The following FBXO45 variants were observed in gnomAD, a reference collection of about 807,000 sequenced individuals.
The protein encoded by FBXO45 is F-box/SPRY domain-containing protein 1.
Under a neutral mutation model 25.5 loss-of-function variants are expected in FBXO45, and 3 were observed. That is an observed-to-expected ratio of 0.12 (90% CI 0.05 to 0.30). FBXO45 has a LOEUF of 0.30. FBXO45 is among the 10% of genes least tolerant of loss of function. The pLI is 1.00. For synonymous variants in FBXO45, 155 were observed against 149.8 expected, an observed-to-expected ratio of 1.03 and a Z score of -0.25; for missense variants, 219 against 365.0, an observed-to-expected ratio of 0.60 and a Z score of 3.26.
rs571388858 is a variant in FBXO45 at position 196,572,204 on chromosome 3, AAAT to A, written c.318+2903_318+2905del. Among the ~76,000 whole-genome samples the A allele has an allele frequency of 6.4e-3, 975 of 152,368 alleles. 7 individuals are homozygous for A. Among genetic ancestry groups the A allele is most frequent in the Non-Finnish European group, 0.011 (734 of 68,032 alleles). On this transcript the variant is annotated intron_variant, in intron 1 of 2. Coordinates refer to ENST00000311630, the MANE Select transcript of FBXO45 (RefSeq NM_001105573.2). Reference sequence around the variant, plus strand: ...GTACAACATATATTTTTATTTAAAAAAATGAGTGCCAGGCACTATGCTCATTTG... The same window carrying A: ...GTACAACATATATTTTTATTTAAAAAGAGTGCCAGGCACTATGCTCATTTG...
chr3:196,578,680 C>T (rs1337208077), intron 2 of FBXO45, among the ~76,000 whole-genome samples: 1 of 152,094 alleles, frequency 6.6e-6, no homozygotes, highest in East Asian at 1.9e-4. Flanking sequence ...TGTAGTTTGC[C>T]AGTTCATGCT....
chr3:196,577,047 T>C (rs980796168), intron 1 of FBXO45, among the ~76,000 whole-genome samples: 1 of 152,238 alleles, frequency 6.6e-6, no homozygotes, highest in Non-Finnish European at 1.5e-5. Flanking sequence ...GATTAATTTA[T>C]GGCCAGTCTA....
chr3:196,587,798 G>A lies in FBXO45; in HGVS notation c.*3480G>A, dbSNP rs183558201. The A allele has an allele frequency of 1.3e-5, 2 of 152,264 alleles. No homozygotes were observed. Among genetic ancestry groups the A allele is most frequent in the East Asian group, 3.9e-4 (2 of 5,188 alleles). The allele number at this position is 152,264 out of a possible 1,614,324, so 9.4% of individuals were successfully genotyped here. ...GATAGAAACTTAGGGAGTGGTGTGTGTGTTTCTTTTTTGGAGACAGAGTCA... is the reference window on the plus strand; with the variant it reads ...GATAGAAACTTAGGGAGTGGTGTGTATGTTTCTTTTTTGGAGACAGAGTCA... On this transcript the variant is annotated 3_prime_UTR_variant, in exon 3 of 3. Transcript: ENST00000311630.
intron 2 of FBXO45, among the ~76,000 whole-genome samples, chr3:196,581,616 A>G (rs1265898823): frequency 1.3e-5 from 2 of 152,152 alleles, no homozygotes; most frequent in African/African-American, 4.8e-5. Context: ...ATCTTTGGAC[A>G]TATTCATAAC....
chr3:196,581,565 G>A (rs764956963), intron 2 of FBXO45, among the ~76,000 whole-genome samples: 9 of 151,868 alleles, frequency 5.9e-5, no homozygotes, highest in East Asian at 1.9e-4. Context: ...TTTCCTTTTC[G>A]AGATTCCTTA....
chr3:196,574,008 G>A (rs968057072), intron 1 of FBXO45, among the ~76,000 whole-genome samples: 1 of 143,242 alleles, frequency 7.0e-6, no homozygotes, highest in Non-Finnish European at 1.5e-5. Context: ...CACAATTTCA[G>A]CTCACTGCAA....
Position 196,575,177 on chromosome 3 carries a change from C to T in FBXO45, c.319-2276C>T, listed in dbSNP as rs577078480. Reference sequence around the variant, plus strand: ...CATAGAAGTTTGAGGAAGAGAGGGCCGGGCGTGGTGGCTCACGCCTGTAAT... The same window carrying T: ...CATAGAAGTTTGAGGAAGAGAGGGCTGGGCGTGGTGGCTCACGCCTGTAAT... On this transcript the variant is annotated intron_variant, in intron 1 of 2. Transcript: ENST00000311630. Among the ~76,000 whole-genome samples, 16 of 152,198 alleles carry T rather than the reference C, an allele frequency of 1.1e-4. No individual in the cohort carries two copies. In the South Asian group the frequency reaches 1.2e-3, roughly 12 times the overall value.
At chr3:196,581,564 C>T (rs1296273458) in intron 2 of FBXO45, among the ~76,000 whole-genome samples, 3 of 152,006 alleles carry the variant, frequency 2.0e-5, no homozygotes, top group East Asian at 1.9e-4. Flanking sequence ...ATTTCCTTTT[C>T]GAGATTCCTT....
At chr3:196,577,922 TTTA>T in intron 2 of FBXO45, 113 bp downstream of exon 2, 1 of 612,076 alleles carries the variant, frequency 1.6e-6, no homozygotes, top group Non-Finnish European at 2.4e-6. Flanking sequence ...AATTTTTATT[TTTA>T]TTATTTTTTT....
At position 196,569,150 on chromosome 3, in the gene FBXO45, C is replaced by T. The variant is rs1399371704; in HGVS notation, c.166C>T (p.Leu56=). ...GTTCTCTTACCTGGAGCTGTCCGAG[C>T]TGCGGAGCTGCGCCCTGGTGTGCAA... ...LVFSYLELSE[L]RSCALVCKHW... is the part of the protein sequence containing the mutation. The change falls in exon 1 of 3, where the codon CTG becomes TTG. Residue 56 remains leucine, a synonymous_variant. Coordinates refer to ENST00000311630, the MANE Select transcript of FBXO45 (RefSeq NM_001105573.2). The surrounding 1 kb of genome is among the most constrained non-coding windows in gnomAD (Gnocchi z 4.1). 2 of 1,550,956 alleles carry T rather than the reference C, an allele frequency of 1.3e-6. No homozygotes were observed. The highest frequency in any genetic ancestry group is 1.2e-5 in the South Asian group (1 of 84,076).
chr3:196,577,235 A>G (rs1171212122), intron 1 of FBXO45, among the ~76,000 whole-genome samples: 1 of 151,366 alleles, frequency 6.6e-6, no homozygotes, highest in African/African-American at 2.4e-5. Flanking sequence ...ACAATTTAAA[A>G]TTTTGGTCAG....
Position 196,581,223 on chromosome 3 carries a change from C to CTTTTTTTTTTTTT in FBXO45, c.676-2894_676-2882dup, listed in dbSNP as rs33962634. ...TAGAATTTCCTTTTTTTTCTTTTTCCTTTTTTTTTTTTTTTTTTTTTTTTT... is the reference window on the plus strand; with the variant it reads ...TAGAATTTCCTTTTTTTTCTTTTTCCTTTTTTTTTTTTTTTTTTTTTTTTTTTTTTTTTTTTTT... On this transcript the variant is annotated intron_variant, in intron 2 of 2. Coordinates refer to ENST00000311630, the MANE Select transcript of FBXO45 (RefSeq NM_001105573.2). Among the ~76,000 whole-genome samples, 15 of 63,676 alleles carry CTTTTTTTTTTTTT rather than the reference C, an allele frequency of 2.4e-4. 1 individual carries two copies. Among genetic ancestry groups the CTTTTTTTTTTTTT allele is most frequent in the East Asian group, 1.1e-3 (2 of 1,838 alleles). 41.8% of individuals were successfully genotyped at this position (63,676 alleles called of 152,430 possible). A position where few individuals can be genotyped will look rare whatever the true frequency, so the allele number is the denominator to read the frequency against.
At chr3:196,576,219 C>T (rs571790640) in intron 1 of FBXO45, among the ~76,000 whole-genome samples, 7 of 152,218 alleles carry the variant, frequency 4.6e-5, no homozygotes, top group Non-Finnish European at 7.3e-5. Flanking sequence ...GCCTCTTGCA[C>T]TAACTCGCGG....
chr3:196,582,370 G>A (rs1736027728), intron 2 of FBXO45, among the ~76,000 whole-genome samples: 1 of 152,180 alleles, frequency 6.6e-6, no homozygotes, highest in African/African-American at 2.4e-5. Context: ...GAGTGGTGGT[G>A]ATGATGATTT....
Position 196,569,229 on chromosome 3 carries a change from T to A in FBXO45, c.245T>A (p.Leu82Gln). The A allele has an allele frequency of 6.3e-7, 1 of 1,581,046 alleles. No individual in the cohort carries two copies. The highest frequency in any genetic ancestry group is 8.6e-7 in the Non-Finnish European group (1 of 1,164,282). The change falls in exon 1 of 3, where the codon CTG (leucine) becomes CAG (glutamine). Residue 82 changes from leucine to glutamine, a missense_variant. Physicochemically the swap from Leu to Gln is moderately radical, Grantham distance 113. Around this residue, in one of 4 missense-constraint regions of FBXO45, gnomAD observed 138 missense variants for 157.3 expected, o/e 0.88. Transcript: ENST00000311630. The surrounding 1 kb of genome is among the most constrained non-coding windows in gnomAD (Gnocchi z 4.1). ...GDENSEVWRSLCARSLAEEAL... is the reference protein window; with the variant it reads ...GDENSEVWRSQCARSLAEEAL... ...GAGAACAGCGAGGTGTGGCGGAGCC[T>A]GTGCGCCCGCAGCCTGGCAGAAGAG...
intron 1 of FBXO45, among the ~76,000 whole-genome samples, chr3:196,575,457 C>CA (rs1198432279): frequency 0.083 from 7,481 of 89,742 alleles, 277 homozygotes; most frequent in African/African-American, 0.15. Context: ...GACTCTGTCT[C>CA]AAAAAAAAAA....
Position 196,569,694 on chromosome 3 carries a change from T to C in FBXO45, c.318+392T>C, listed in dbSNP as rs1735752721. On this transcript the variant is annotated intron_variant, in intron 1 of 2. Coordinates refer to ENST00000311630, the MANE Select transcript of FBXO45 (RefSeq NM_001105573.2). The surrounding 1 kb of genome is among the most constrained non-coding windows in gnomAD (Gnocchi z 4.1). Reference sequence around the variant, plus strand: ...GCCACCTTAACATGGGCTTAGTTTCTAAGTTTCTAAGTTTCTAGTTTGCTT... The same window carrying C: ...GCCACCTTAACATGGGCTTAGTTTCCAAGTTTCTAAGTTTCTAGTTTGCTT... Among the ~76,000 whole-genome samples, 6 of 151,370 alleles carry C rather than the reference T, an allele frequency of 4.0e-5. No individual in the cohort carries two copies. The South Asian group carries it at 1.1e-3, about 28-fold the overall frequency.
chr3:196,580,992 G>A (rs1256345354), intron 2 of FBXO45, among the ~76,000 whole-genome samples: 4 of 151,904 alleles, frequency 2.6e-5, no homozygotes, highest in African/African-American at 9.7e-5. Flanking sequence ...TTGCCATTTT[G>A]CCCAGGCTGG....
intron 1 of FBXO45, among the ~76,000 whole-genome samples, chr3:196,576,751 T>C (rs1735920189): frequency 6.6e-6 from 1 of 152,206 alleles, no homozygotes; most frequent in Non-Finnish European, 1.5e-5. Context: ...TAAGGGATTA[T>C]TTGATTTGGT....
Sources: gnomAD v4.1 joint callset for allele counts (sites outside exome capture counted in the v4.1 genomes callset) on GRCh38, gnomAD v4.1.1 for gene constraint, gnomAD v4.1.1 regional missense constraint, Gnocchi (gnomAD v3.1) non-coding constraint, MANE v1.5 for transcripts, NCBI Gene and HGNC (gene_info 2026-07-23, HGNC 2026-07-21) for gene names.